Variants in FSHR observed in about 807,000 individuals in gnomAD.
FSHR encodes follicle stimulating hormone receptor.
Under a neutral mutation model 52.1 loss-of-function variants are expected in FSHR, and 46 were observed. The observed-to-expected ratio is 0.88, with a 90% CI of 0.70 to 1.13. The LOEUF (loss-of-function observed/expected upper bound fraction) is 1.13. FSHR is among the 50% of genes most tolerant of loss of function. FSHR has a pLI of 0.00. For missense variants in FSHR, 964 were observed against 834.6 expected (o/e 1.16, Z -1.91); for synonymous variants, 399 against 309.6 (o/e 1.29, Z -3.03).
At chr2:49,144,634 C>T (rs1250307124) in intron 1 of FSHR, among the ~76,000 whole-genome samples, 1 of 128,842 alleles carries the variant, frequency 7.8e-6, no homozygotes, top group Non-Finnish European at 1.7e-5. Context: ...TTCTAATGTC[C>T]TCTCCAATGT....
chr2:49,112,583 C>T (rs1671460368), intron 1 of FSHR, among the ~76,000 whole-genome samples: 3 of 152,070 alleles, frequency 2.0e-5, no homozygotes, highest in South Asian at 2.1e-4. Flanking sequence ...GGTAGAGAAA[C>T]CCATGTCTTT....
intron 1 of FSHR, among the ~76,000 whole-genome samples, chr2:49,085,520 A>G (rs1450857554): frequency 6.6e-6 from 1 of 152,210 alleles, no homozygotes; most frequent in Non-Finnish European, 1.5e-5. Flanking sequence ...CTTTACTTCC[A>G]ACTATGTGGT....
At chr2:49,081,349 A>T (rs991082275) in intron 1 of FSHR, among the ~76,000 whole-genome samples, 1 of 151,024 alleles carries the variant, frequency 6.6e-6, no homozygotes, top group Non-Finnish European at 1.5e-5. Context: ...ATCTTATATT[A>T]AAAAAAAACA....
chr2:49,054,384 A>T (rs553454453), intron 2 of FSHR, among the ~76,000 whole-genome samples: 1 of 152,170 alleles, frequency 6.6e-6, no homozygotes, highest in Non-Finnish European at 1.5e-5. Flanking sequence ...CAGCCCCAGA[A>T]TCCACCCAAA....
intron 4 of FSHR, among the ~76,000 whole-genome samples, chr2:48,994,424 A>T (rs1289876700): frequency 2.6e-5 from 4 of 152,174 alleles, no homozygotes; most frequent in Non-Finnish European, 5.9e-5. Context: ...ATAGGAAAGA[A>T]ATCACACTGC....
intron 1 of FSHR, among the ~76,000 whole-genome samples, chr2:49,080,943 CAG>C (rs1670145561): frequency 6.6e-6 from 1 of 152,194 alleles, no homozygotes; most frequent in Non-Finnish European, 1.5e-5. Context: ...CACTACACTG[CAG>C]AGTTTGCCGA....
chr2:49,105,247 A>G (rs1393945139), intron 1 of FSHR, among the ~76,000 whole-genome samples: 2 of 152,124 alleles, frequency 1.3e-5, no homozygotes, highest in Non-Finnish European at 2.9e-5. Flanking sequence ...AACAAGGGGC[A>G]GTTTTCTCCC....
chr2:48,983,061 C>T (rs1450149368), intron 7 of FSHR, 37 bp downstream of exon 7: 2 of 1,608,314 alleles, frequency 1.2e-6, no homozygotes, highest in Middle Eastern at 1.7e-4. Flanking sequence ...AGCCATTTCC[C>T]TTTAAATGGC....
intron 3 of FSHR, among the ~76,000 whole-genome samples, chr2:49,019,048 T>C (rs1177862832): frequency 1.3e-5 from 2 of 152,216 alleles, no homozygotes; most frequent in Non-Finnish European, 2.9e-5. Context: ...TCTGTAAAAT[T>C]AGGAGGTAGT....
At chr2:48,990,120 A>T (rs183529825) in intron 5 of FSHR, among the ~76,000 whole-genome samples, 146 of 152,174 alleles carry the variant, frequency 9.6e-4, no homozygotes, top group African/African-American at 3.2e-3. Context: ...TCAAAATACA[A>T]ATACCTTGGG....
At chr2:48,993,836 G>A (rs1675895760) in intron 4 of FSHR, among the ~76,000 whole-genome samples, 1 of 151,964 alleles carries the variant, frequency 6.6e-6, no homozygotes, top group Admixed American at 6.6e-5. Context: ...TCTTCACCTG[G>A]CGAACTTCAA....
chr2:49,081,977 T>C (rs1670185646), intron 1 of FSHR, among the ~76,000 whole-genome samples: 1 of 152,230 alleles, frequency 6.6e-6, no homozygotes, highest in Non-Finnish European at 1.5e-5. Flanking sequence ...GGGTTCTGTG[T>C]TCTTTGAATT....
chr2:49,093,667 T>TC (rs938606635), intron 1 of FSHR, among the ~76,000 whole-genome samples: 17 of 150,022 alleles, frequency 1.1e-4, no homozygotes, highest in Admixed American at 1.3e-4. Flanking sequence ...CGATCGCAGC[T>TC]CGCTGCAACC....
At chr2:49,106,861 C>G (rs139590461) in intron 1 of FSHR, among the ~76,000 whole-genome samples, 1 of 152,288 alleles carries the variant, frequency 6.6e-6, no homozygotes, top group African/African-American at 2.4e-5. Context: ...AGTCCCTCAG[C>G]TCTCTGCAGC....
intron 1 of FSHR, among the ~76,000 whole-genome samples, chr2:49,073,503 G>C (rs550788165): frequency 2.0e-5 from 3 of 152,098 alleles, no homozygotes; most frequent in African/African-American, 4.8e-5. Flanking sequence ...GGATGTGAAA[G>C]ACCTTCACAA....
At chr2:49,138,860 T>A (rs1436954598) in intron 1 of FSHR, among the ~76,000 whole-genome samples, 1 of 152,046 alleles carries the variant, frequency 6.6e-6, no homozygotes, top group East Asian at 1.9e-4. Flanking sequence ...TCAAAGCTGT[T>A]TTTTTTTAAT....
intron 2 of FSHR, among the ~76,000 whole-genome samples, chr2:49,038,303 T>C (rs1668345328): frequency 6.6e-6 from 1 of 152,088 alleles, no homozygotes; most frequent in Non-Finnish European, 1.5e-5. Context: ...AATAGTAATA[T>C]TAAATACTTA....
At chr2:49,086,338 A>G (rs977799084) in intron 1 of FSHR, among the ~76,000 whole-genome samples, 2 of 152,176 alleles carry the variant, frequency 1.3e-5, no homozygotes, top group African/African-American at 4.8e-5. Flanking sequence ...AGATGTAGCA[A>G]CCCTGAGCTA....
chr2:49,126,838 T>C (rs1672017488), intron 1 of FSHR, among the ~76,000 whole-genome samples: 1 of 152,182 alleles, frequency 6.6e-6, no homozygotes, highest in African/African-American at 2.4e-5. Flanking sequence ...CAAGATAGAA[T>C]GTGAAAGTTA....
Sources: allele counts gnomAD v4.1 joint callset (sites outside exome capture counted in the v4.1 genomes callset), GRCh38; gene constraint gnomAD v4.1.1; transcripts MANE v1.5; gene names NCBI Gene and HGNC (gene_info 2026-07-23, HGNC 2026-07-21).